SLC39A13: variants seen among roughly 807,000 people sequenced by gnomAD.
SLC39A13 encodes solute carrier family 39 member 13, also known as zinc transporter ZIP13.
SLC39A13 carries 18 observed loss-of-function variants against 38.7 expected under a neutral mutation model. The observed-to-expected ratio is 0.47, with a 90% CI of 0.32 to 0.69. SLC39A13 has a LOEUF of 0.69. Ranked by LOEUF, SLC39A13 falls within the 30% of genes least tolerant of loss-of-function variation. The probability of loss-of-function intolerance (pLI) is 0.03; values close to 1 mark genes in which losing one functional copy is unlikely to be tolerated. For missense variants in SLC39A13, 395 were observed against 490.7 expected, an observed-to-expected ratio of 0.80 and a Z score of 1.84; for synonymous variants, 212 against 219.1, an observed-to-expected ratio of 0.97 and a Z score of 0.29.
At chr11:47,413,574 C>T in intron 5 of SLC39A13, 23 bp from the exon 6 acceptor site, 4 of 1,614,202 alleles carry the variant, frequency 2.5e-6, no homozygotes, top group Middle Eastern at 3.3e-4. Context: ...TCAGCCCTGC[C>T]TCCTGCCTTC....
chr11:47,412,122 A>G (rs1190141540), intron 3 of SLC39A13, 83 bp downstream of exon 3: 7 of 1,429,664 alleles, frequency 4.9e-6, no homozygotes, highest in Non-Finnish European at 5.8e-6. Context: ...CAGGATGACC[A>G]GGAGAGGGAT....
At chr11:47,412,158 TGGGAGGGA>T in intron 3 of SLC39A13, 119 bp downstream of exon 3, 1 of 1,313,360 alleles carries the variant, frequency 7.6e-7, no homozygotes, top group Non-Finnish European at 1.1e-6. Flanking sequence ...GGAGCTTGCC[TGGGAGGGA>T]GGGAGGGTCA....
chr11:47,414,800 C>T lies in SLC39A13; in HGVS notation c.810C>T (p.Leu270=), dbSNP rs372659943. 1.2e-6 allele frequency: 2 copies of T among 1,610,580 alleles called. No homozygotes were observed. Among genetic ancestry groups the T allele is most frequent in the African/African-American group, 2.7e-5 (2 of 74,918 alleles). ...AGGTGGGCGACTTTGCCATCCTGCT[C>T]CGGGCCGGCTTTGACCGATGGAGCG... The part of the protein sequence containing the change: ...PHEVGDFAIL[L]RAGFDRWSAA... The change falls in exon 8 of 10, where the codon CTC becomes CTT. Residue 270 remains leucine, a synonymous_variant. Transcript: ENST00000362021.
intron 2 of SLC39A13, among the ~76,000 whole-genome samples, chr11:47,410,965 C>T (rs1565661475): frequency 6.6e-6 from 1 of 152,210 alleles, no homozygotes; most frequent in Non-Finnish European, 1.5e-5. Context: ...CAGGCCTGTG[C>T]TCAACCCTCA....
chr11:47,415,052 C>T lies in SLC39A13; in HGVS notation c.933C>T (p.Pro311=), dbSNP rs374590960. Residue 311 remains proline (P), a synonymous_variant, in exon 9 of 10, where the codon CCC becomes CCT. Coordinates refer to ENST00000362021, the MANE Select transcript of SLC39A13 (RefSeq NM_001128225.3). The part of the protein sequence containing the change: ...QSPKGVVGCS[P]AAEETAAWVL... ...TTGGGTACCCAGTTGGGTGTTCTCC[C>T]GCTGCAGAGGAGACGGCAGCCTGGG... 1.5e-5 allele frequency: 24 copies of T among 1,613,226 alleles called. No homozygotes were observed. Among genetic ancestry groups the T allele is most frequent in the African/African-American group, 6.7e-5 (5 of 74,882 alleles).
chr11:47,413,306 C>T, intron 4 of SLC39A13, 94 bp from the exon 5 acceptor site: 1 of 1,299,230 alleles, frequency 7.7e-7, no homozygotes, highest in Non-Finnish European at 1.1e-6. Flanking sequence ...GCACCCAGCC[C>T]CCGTCTCTCT....
chr11:47,408,452 G>T (rs547941813), upstream of SLC39A13: 25 of 151,586 alleles, frequency 1.6e-4, no homozygotes, highest in African/African-American at 5.5e-4. Flanking sequence ...CCGCGAGGCG[G>T]AAGCGCCCTC....
intron 8 of SLC39A13, 61 bp downstream of exon 8, chr11:47,414,970 T>A: frequency 6.2e-7 from 1 of 1,604,078 alleles, no homozygotes; most frequent in Non-Finnish European, 8.5e-7. Context: ...AGCCAAAGGG[T>A]GTGGCTACCG....
At chr11:47,407,541 C>G, upstream of SLC39A13, 1 of 152,350 alleles carries the variant, frequency 6.6e-6, no homozygotes. Flanking sequence ...CAAGTGAGTA[C>G]CCACATGCCC....
rs1309202581 is a variant in SLC39A13 at position 47,412,551 on chromosome 11, G to A, written c.537+84G>A. ...GGCCTGGAGGCCCAGGGTCTGAGTT[G>A]AGCCCTGAAAAGAGGGGTCTCCTGG... On this transcript the variant is annotated intron_variant, in intron 4 of 9. Coordinates refer to ENST00000362021, the MANE Select transcript of SLC39A13 (RefSeq NM_001128225.3). The A allele has an allele frequency of 7.5e-6, 12 of 1,602,742 alleles. No individual in the cohort carries two copies. The Admixed American group carries it at 2.0e-4, about 27-fold the overall frequency.
In SLC39A13 at chr11:47,412,088, C is replaced by T. The variant is rs2096002553; in HGVS notation, c.415+49C>T. On this transcript the variant is annotated intron_variant, in intron 3 of 9. Coordinates refer to ENST00000362021, the MANE Select transcript of SLC39A13 (RefSeq NM_001128225.3). ...GCAAGACAGTGCCAGGAGTGGGGGC[C>T]TGGTGCCCACGCCCAGGGATGGCCA... The T allele has an allele frequency of 2.6e-6, 4 of 1,556,858 alleles. No individual in the cohort carries two copies. The South Asian group carries it at 4.6e-5, about 18-fold the overall frequency.
In SLC39A13 at chr11:47,415,337, G is replaced by T. The variant is rs542593908; in HGVS notation, c.1090G>T (p.Val364Leu). 3.4e-5 allele frequency: 55 copies of T among 1,614,076 alleles called. No homozygotes were observed. In the East Asian group the frequency reaches 1.1e-3, roughly 33 times the overall value. Residue 364 changes from valine (V) to leucine (L), a missense_variant, in exon 10 of 10, where the codon GTG becomes TTG. Physicochemically the swap from Val to Leu is conservative, Grantham distance 32. Transcript: ENST00000362021. The stretch of plus-strand genomic sequence containing the variant: ...GCTCTGTGCGGGCATCGTGGTAATG[G>T]TGCTGTTCTCGCTCTTCGTGGATTA... Reference protein sequence around the residue: ...LLLCAGIVVMVLFSLFVD With the variant: ...LLLCAGIVVMLLFSLFVD
rs765205654 is a variant in SLC39A13, at chr11:47,414,816, C to T, written c.826C>T (p.Arg276Ter). 15 of 1,611,668 alleles carry T rather than the reference C, an allele frequency of 9.3e-6. No individual in the cohort carries two copies. The highest frequency in any genetic ancestry group is 4.5e-5 in the East Asian group (2 of 44,904). ...FAILLRAGFD[R>*]WSAAKLQLST... Reference sequence around the variant, plus strand: ...CATCCTGCTCCGGGCCGGCTTTGACCGATGGAGCGCAGCCAAGCTGCAACT... The same window carrying T: ...CATCCTGCTCCGGGCCGGCTTTGACTGATGGAGCGCAGCCAAGCTGCAACT... The change falls in exon 8 of 10, where the codon CGA (arginine) becomes TGA (stop). Residue 276 changes from arginine (R) to a stop codon, truncating the protein, a stop_gained. Coordinates refer to ENST00000362021, the MANE Select transcript of SLC39A13 (RefSeq NM_001128225.3). LOFTEE classifies it high-confidence loss of function.
chr11:47,409,779 CCG>C, intron 1 of SLC39A13: 1 of 348,120 alleles, frequency 2.9e-6, no homozygotes, highest in Non-Finnish European at 5.4e-6. Context: ...CCGGGCCGTG[CCG>C]CCGGTGGCTG....
chr11:47,409,917 A>G, intron 1 of SLC39A13, 170 bp from the exon 2 acceptor site: 1 of 703,888 alleles, frequency 1.4e-6, no homozygotes, highest in Admixed American at 2.5e-5. Flanking sequence ...GTGTGGAGAC[A>G]CAGGGCCCCA....
Position 47,412,609 on chromosome 11 carries a change from C to T in SLC39A13, c.537+142C>T, listed in dbSNP as rs993736042. On this transcript the variant is annotated intron_variant, in intron 4 of 9. Transcript: ENST00000362021. ...CTGGGAGCTGCGGGAGGTTGGGCCA[C>T]CTTCTTTGGGACTGACACCATTAGC... 4.8e-6 allele frequency: 7 copies of T among 1,455,272 alleles called. No homozygotes were observed. In the Admixed American group the frequency reaches 8.1e-5, roughly 17 times the overall value. The allele number at this position is 1,455,272 out of a possible 1,614,324, so 90.1% of individuals were successfully genotyped here.
In SLC39A13 at chr11:47,413,538, G is replaced by A. The variant is rs115209143; in HGVS notation, c.645+31G>A. 9,425 of 1,613,742 alleles carry A rather than the reference G, an allele frequency of 5.8e-3. 467 individuals carry two copies. In the African/African-American group the frequency reaches 0.11, roughly 19 times the overall value. ...TGGCCTGCTCAGGGCCCCTGCAGCCGTACTGCCCTGAGTGGCCAGCCCCAC... is the reference window on the plus strand; with the variant it reads ...TGGCCTGCTCAGGGCCCCTGCAGCCATACTGCCCTGAGTGGCCAGCCCCAC... On this transcript the variant is annotated intron_variant, in intron 5 of 9. Transcript: ENST00000362021.
In SLC39A13 at chr11:47,412,380, G is replaced by T; in HGVS notation, c.450G>T (p.Gln150His). 1 of 1,614,190 alleles carries T rather than the reference G, an allele frequency of 6.2e-7. No homozygotes were observed. The highest frequency in any genetic ancestry group is 8.5e-7 in the Non-Finnish European group (1 of 1,179,988). ...GGCAGAGCCTGCAGCAGCAGCAACA[G>T]CTGGGGCTGTGGGTCATTGCTGGCA... ...GEGQSLQQQQQLGLWVIAGIL... is the reference protein window; with the variant it reads ...GEGQSLQQQQHLGLWVIAGIL... Residue 150 changes from glutamine to histidine, a missense_variant, in exon 4 of 10, where the codon CAG becomes CAT. Transcript: ENST00000362021.
At chr11:47,409,580 C>T (rs936391137) in intron 1 of SLC39A13, 13 of 169,536 alleles carry the variant, frequency 7.7e-5, no homozygotes, top group Non-Finnish European at 1.2e-4. Flanking sequence ...TCCTGTTGCC[C>T]TCAGTGCCCT....
Sources: allele counts gnomAD v4.1 joint callset (sites outside exome capture counted in the v4.1 genomes callset), GRCh38; gene constraint gnomAD v4.1.1; transcripts MANE v1.5; gene names NCBI Gene and HGNC (gene_info 2026-07-23, HGNC 2026-07-21).